The following TMEM106B variants were observed in gnomAD, a reference collection of about 807,000 sequenced individuals.
TMEM106B encodes transmembrane protein 106B.
A neutral mutation model predicts 31.1 loss-of-function variants in TMEM106B; 15 were observed. The observed-to-expected ratio is 0.48, with a 90% CI of 0.32 to 0.74. The LOEUF (loss-of-function observed/expected upper bound fraction) is 0.74. TMEM106B is among the 30% of genes least tolerant of loss of function. TMEM106B has a pLI of 0.03. For missense variants in TMEM106B, 283 were observed against 327.3 expected (o/e 0.86, Z 1.04); for synonymous variants, 126 against 112.5 (o/e 1.12, Z -0.76).
rs918485407 is a variant in TMEM106B, at chr7:12,242,928, G to A, written c.*10953G>A. ...ATCTACTGATTTATTTATTGCCTAT[G>A]TACCTATACTAGAACATAGTAAACA... On this transcript the variant is annotated 3_prime_UTR_variant, in exon 8 of 8. Transcript: ENST00000396668. The A allele has an allele frequency of 1.3e-5, 2 of 151,880 alleles. No homozygotes were observed. Among genetic ancestry groups the A allele is most frequent in the Admixed American group, 1.3e-4 (2 of 15,252 alleles). The allele number at this position is 151,880 out of a possible 1,614,324, so 9.4% of individuals were successfully genotyped here.
chr7:12,227,978 C>G (rs1434024891), intron 4 of TMEM106B, among the ~76,000 whole-genome samples: 1 of 151,864 alleles, frequency 6.6e-6, no homozygotes, highest in Admixed American at 6.6e-5. Context: ...TATACAAAGA[C>G]TTCCAAGATT....
chr7:12,237,774 C>CA lies in TMEM106B; in HGVS notation c.*5802dup, dbSNP rs1171870830. ...TCACCTGAGCCCAGAAGTTCAAGAC[C>CA]AAATTGGTCAACATGGCGAGACCCC... On this transcript the variant is annotated 3_prime_UTR_variant, in exon 8 of 8. Transcript: ENST00000396668. The CA allele has an allele frequency of 6.7e-6, 1 of 150,000 alleles. No homozygotes were observed. The highest frequency in any genetic ancestry group is 1.5e-5 in the Non-Finnish European group (1 of 67,816). The allele number at this position is 150,000 out of a possible 1,614,324, so 9.3% of individuals were successfully genotyped here.
intron 2 of TMEM106B, among the ~76,000 whole-genome samples, chr7:12,216,306 A>C (rs1432848857): frequency 6.6e-6 from 1 of 152,110 alleles, no homozygotes; most frequent in Admixed American, 6.5e-5. Flanking sequence ...TAGGAAATCA[A>C]GGATGACTCC....
At chr7:12,217,293 G>T (rs1781707294) in intron 2 of TMEM106B, among the ~76,000 whole-genome samples, 1 of 152,152 alleles carries the variant, frequency 6.6e-6, no homozygotes, top group Non-Finnish European at 1.5e-5. Context: ...GGATAGATCT[G>T]ATAATAGAAG....
At chr7:12,222,616 G>A (rs3800847) in intron 3 of TMEM106B, among the ~76,000 whole-genome samples, 77,012 of 151,994 alleles carry the variant, frequency 0.51, 20,552 homozygotes, top group African/African-American at 0.66. Flanking sequence ...ATTTTGGTGT[G>A]TTATAGATAC....
intron 6 of TMEM106B, chr7:12,230,639 T>C (rs1782003790): frequency 2.5e-6 from 1 of 406,180 alleles, no homozygotes; most frequent in Admixed American, 4.2e-5. Context: ...TTTGTTTTTT[T>C]ATTTATTTTT....
At chr7:12,215,094 G>A in intron 2 of TMEM106B, 67 bp downstream of exon 2, 1 of 1,406,738 alleles carries the variant, frequency 7.1e-7, no homozygotes, top group Non-Finnish European at 9.7e-7. Flanking sequence ...TATAAAAACT[G>A]TGGGTCTCAG....
chr7:12,232,041 G>T lies in TMEM106B; in HGVS notation c.*66G>T, dbSNP rs1385897927. On this transcript the variant is annotated 3_prime_UTR_variant, in exon 8 of 8. Coordinates refer to ENST00000396668, the MANE Select transcript of TMEM106B (RefSeq NM_001134232.2). ...TATTTCCTATACTCTCAATGAAGAG[G>T]TATTTCCTAATAGGAGACCTTAAAT... The T allele has an allele frequency of 4.0e-6, 6 of 1,483,760 alleles. No homozygotes were observed. The highest frequency in any genetic ancestry group is 5.5e-6 in the Non-Finnish European group (6 of 1,090,876). 91.9% of individuals were successfully genotyped at this position (1,483,760 alleles called of 1,614,324 possible).
chr7:12,218,634 G>C (rs116705963), intron 3 of TMEM106B, 113 bp downstream of exon 3: 4 of 823,314 alleles, frequency 4.9e-6, no homozygotes, highest in Non-Finnish European at 7.5e-6. Context: ...ATGCTGTCAC[G>C]TAGTTAAATT....
intron 4 of TMEM106B, 140 bp downstream of exon 4, chr7:12,224,525 G>C (rs3800845): frequency 0.58 from 351,880 of 602,072 alleles, 105,004 homozygotes; most frequent in African/African-American, 0.8. Context: ...CTGTATTGAC[G>C]TTCTCTACCA....
At chr7:12,224,457 T>C (rs529606151) in intron 4 of TMEM106B, 72 bp downstream of exon 4, 18 of 1,294,134 alleles carry the variant, frequency 1.4e-5, no homozygotes, top group Admixed American at 6.1e-5. Context: ...TTTGTCCCCA[T>C]TGAGAAGAGA....
At chr7:12,230,888 T>C in intron 6 of TMEM106B, 174 bp from the exon 7 acceptor site, 1 of 494,018 alleles carries the variant, frequency 2.0e-6, no homozygotes, top group Non-Finnish European at 3.6e-6. Context: ...ACATACATGT[T>C]TTTCGAGTAA....
Position 12,219,037 on chromosome 7 carries a change from T to A in TMEM106B, c.281+516T>A, listed in dbSNP as rs1781739442. Among the ~76,000 whole-genome samples, 3 of 109,146 alleles carry A rather than the reference T, an allele frequency of 2.7e-5. No individual in the cohort carries two copies. The South Asian group carries it at 1.1e-3, about 38-fold the overall frequency. 71.6% of individuals were successfully genotyped at this position (109,146 alleles called of 152,430 possible). On this transcript the variant is annotated intron_variant, in intron 3 of 7. Transcript: ENST00000396668. ...TGTAAAAATGACAAGATTTGCATGCTCTAGCTTGGAGAAAGTGCAAAAAGA... is the reference window on the plus strand; with the variant it reads ...TGTAAAAATGACAAGATTTGCATGCACTAGCTTGGAGAAAGTGCAAAAAGA...
intron 1 of TMEM106B, 105 bp from the exon 2 acceptor site, chr7:12,214,704 G>A (rs1387462478): frequency 2.0e-6 from 2 of 988,748 alleles, no homozygotes; most frequent in Non-Finnish European, 1.4e-6. Flanking sequence ...TACAGAGTTT[G>A]ACTGTTCCTT....
intron 2 of TMEM106B, chr7:12,215,587 A>AT (rs1324064565): frequency 3.0e-5 from 10 of 329,128 alleles, no homozygotes; most frequent in East Asian, 9.0e-5. Flanking sequence ...TTAAAATTTT[A>AT]TTTTTTTAAT....
rs189232140 is a variant in TMEM106B at position 12,214,537 on chromosome 7, C to G, written c.-2-272C>G. 203 of 388,924 alleles carry G rather than the reference C, an allele frequency of 5.2e-4. 2 individuals are homozygous for G. The highest frequency in any genetic ancestry group is 3.9e-3 in the African/African-American group (191 of 49,398). The allele number at this position is 388,924 out of a possible 1,614,324, so 24.1% of individuals were successfully genotyped here. ...GGCTGAATTAATGTATACCTTACAT[C>G]TATTGATTTATGCCTCTGCCTGTAA... On this transcript the variant is annotated intron_variant, in intron 1 of 7. Transcript: ENST00000396668.
rs1464111389 is a variant in TMEM106B at position 12,241,542 on chromosome 7, G to A, written c.*9567G>A. 6.6e-6 allele frequency: 1 copy of A among 152,116 alleles called. No individual in the cohort carries two copies. The highest frequency in any genetic ancestry group is 1.5e-5 in the Non-Finnish European group (1 of 68,060). 9.4% of individuals were successfully genotyped at this position (152,116 alleles called of 1,614,324 possible). A position where few individuals can be genotyped will look rare whatever the true frequency, so the allele number is the denominator to read the frequency against. On this transcript the variant is annotated 3_prime_UTR_variant, in exon 8 of 8. Transcript: ENST00000396668. Reference sequence around the variant, plus strand: ...CTGTGTGTGTTTGCTGAGAATGATGGTTTCCAGCTTCATCCATATCCCTGA... The same window carrying A: ...CTGTGTGTGTTTGCTGAGAATGATGATTTCCAGCTTCATCCATATCCCTGA...
intron 3 of TMEM106B, among the ~76,000 whole-genome samples, chr7:12,223,980 A>G (rs974901665): frequency 2.6e-5 from 4 of 152,054 alleles, no homozygotes; most frequent in African/African-American, 9.7e-5. Flanking sequence ...CAGCCTCTCA[A>G]AGTGCTGGGA....
chr7:12,222,301 A>C (rs1177836121), intron 3 of TMEM106B, among the ~76,000 whole-genome samples: 1 of 152,148 alleles, frequency 6.6e-6, no homozygotes, highest in African/African-American at 2.4e-5. Context: ...TTTGTAATGG[A>C]GACATATATT....
Sources: gnomAD v4.1 joint callset for allele counts (sites outside exome capture counted in the v4.1 genomes callset) on GRCh38, gnomAD v4.1.1 for gene constraint, MANE v1.5 for transcripts, NCBI Gene and HGNC (gene_info 2026-07-23, HGNC 2026-07-21) for gene names.